Variants in PTH2R observed in about 807,000 individuals in gnomAD.
PTH2R encodes the protein parathyroid hormone 2 receptor.
A neutral mutation model predicts 60.3 loss-of-function variants in PTH2R; 59 were observed. The observed-to-expected ratio is 0.98, with a 90% CI of 0.79 to 1.22. PTH2R has a LOEUF of 1.22. Among genes scored for constraint, PTH2R ranks in the 50% most tolerant of loss-of-function variants. The pLI, the probability that PTH2R is intolerant of heterozygous loss-of-function variation, is 0.00. For missense variants in PTH2R, 749 were observed against 682.6 expected (o/e 1.10, Z -1.08); for synonymous variants, 256 against 243.8 (o/e 1.05, Z -0.47).
At chr2:208,456,104 TGG>T (rs1281905268) in intron 8 of PTH2R, among the ~76,000 whole-genome samples, 3 of 151,690 alleles carry the variant, frequency 2.0e-5, no homozygotes, top group Non-Finnish European at 4.4e-5. Context: ...TAGCTGGGCG[TGG>T]TGGTGCGTGC....
At chr2:208,490,589 G>C (rs780100014) in intron 11 of PTH2R, 50 bp from the exon 12 acceptor site, 22 of 1,581,834 alleles carry the variant, frequency 1.4e-5, no homozygotes, top group Non-Finnish European at 1.9e-5. Flanking sequence ...ATGCTTAAGT[G>C]CTGTGAGTTT....
intron 8 of PTH2R, among the ~76,000 whole-genome samples, chr2:208,451,443 C>G (rs760049886): frequency 6.6e-6 from 1 of 152,094 alleles, no homozygotes; most frequent in African/African-American, 2.4e-5. Context: ...TCCTCAAAAT[C>G]AAAATATTTT....
chr2:208,467,433 G>A (rs540358544), intron 9 of PTH2R, among the ~76,000 whole-genome samples: 1 of 152,240 alleles, frequency 6.6e-6, no homozygotes, highest in African/African-American at 2.4e-5. Flanking sequence ...CACGCAATCT[G>A]CTAAGAGATT....
chr2:208,395,346 G>T (rs1025450878), intron 1 of PTH2R, among the ~76,000 whole-genome samples: 1 of 151,962 alleles, frequency 6.6e-6, no homozygotes, highest in African/African-American at 2.4e-5. Flanking sequence ...ACGCCCGGCC[G>T]AGTCTGATTT....
intron 1 of PTH2R, among the ~76,000 whole-genome samples, chr2:208,407,770 C>A (rs1256350720): frequency 6.6e-6 from 1 of 151,770 alleles, no homozygotes; most frequent in Non-Finnish European, 1.5e-5. Flanking sequence ...TGAGTCAAAT[C>A]AAATGTAGGG....
intron 1 of PTH2R, among the ~76,000 whole-genome samples, chr2:208,393,186 G>GT (rs913174604): frequency 3.3e-5 from 5 of 152,154 alleles, no homozygotes; most frequent in African/African-American, 1.2e-4. Context: ...TTCTCAGGAG[G>GT]TTTTCTAGGG....
At chr2:208,400,469 T>G (rs551004091) in intron 1 of PTH2R, among the ~76,000 whole-genome samples, 61 of 152,306 alleles carry the variant, frequency 4.0e-4, no homozygotes, top group African/African-American at 1.4e-3. Context: ...GCTATTTGAA[T>G]TTCTCATTAG....
intron 7 of PTH2R, among the ~76,000 whole-genome samples, chr2:208,447,955 C>T (rs182015296): frequency 3.9e-4 from 60 of 152,036 alleles, no homozygotes; most frequent in Non-Finnish European, 5.9e-4. Context: ...TTTATTGTTA[C>T]TAAATATGGT....
intron 1 of PTH2R, among the ~76,000 whole-genome samples, chr2:208,366,228 T>C (rs1700589933): frequency 6.6e-6 from 1 of 151,714 alleles, no homozygotes. Flanking sequence ...TTACTAGTTA[T>C]TGGTCTATTT....
At chr2:208,425,691 C>T (rs1328990918) in intron 1 of PTH2R, among the ~76,000 whole-genome samples, 2 of 152,140 alleles carry the variant, frequency 1.3e-5, no homozygotes, top group African/African-American at 4.8e-5. Flanking sequence ...AGGCTAAGCC[C>T]CAGTTGTGGG....
chr2:208,451,592 G>A (rs185580122), intron 8 of PTH2R, among the ~76,000 whole-genome samples: 5 of 152,236 alleles, frequency 3.3e-5, no homozygotes, highest in East Asian at 1.9e-4. Flanking sequence ...TTTAACACAC[G>A]TGTGGTCTAC....
At chr2:208,469,487 A>G (rs1212823599) in intron 9 of PTH2R, among the ~76,000 whole-genome samples, 5 of 152,222 alleles carry the variant, frequency 3.3e-5, no homozygotes, top group African/African-American at 9.6e-5. Context: ...AAGAGAGTAA[A>G]GGAATTTGTT....
At position 208,481,011 on chromosome 2, in the gene PTH2R, T is replaced by A. The variant is rs551453361; in HGVS notation, c.982-59T>A. 4 of 1,250,150 alleles carry A rather than the reference T, an allele frequency of 3.2e-6. No individual in the cohort carries two copies. In the Admixed American group the frequency reaches 8.5e-5, roughly 27 times the overall value. The allele number at this position is 1,250,150 out of a possible 1,614,324, so 77.4% of individuals were successfully genotyped here. On this transcript the variant is annotated intron_variant, in intron 9 of 12. Transcript: ENST00000272847. ...TGGAAAAAATTTCAATTTATGTAAA[T>A]GTTTATAAAAATCTTGAAGACTAAC... is the stretch of plus-strand genomic sequence containing the variant.
Position 208,428,241 on chromosome 2 carries a change from T to C in PTH2R, c.116T>C (p.Val39Ala). ...DGTITIEEQI[V>A]LVLKAKVQCE... ...ACCATTACTATAGAGGAGCAGATTG[T>C]CCTTGTGCTGAAAGCGAAAGTACAA... Residue 39 changes from valine (V) to alanine (A), a missense_variant, in exon 2 of 13, where the codon GTC becomes GCC. By Grantham distance (64) the Val-to-Ala change is moderately conservative. Coordinates refer to ENST00000272847, the MANE Select transcript of PTH2R (RefSeq NM_005048.4). The C allele has an allele frequency of 6.2e-7, 1 of 1,613,796 alleles. No individual in the cohort carries two copies.
chr2:208,376,101 T>C (rs1211226783), intron 1 of PTH2R, among the ~76,000 whole-genome samples: 1 of 152,180 alleles, frequency 6.6e-6, no homozygotes, highest in African/African-American at 2.4e-5. Context: ...TAATAAATGC[T>C]TCACTGCCAT....
chr2:208,456,980 A>G (rs1265548513), intron 8 of PTH2R, among the ~76,000 whole-genome samples: 1 of 152,200 alleles, frequency 6.6e-6, no homozygotes, highest in Non-Finnish European at 1.5e-5. Flanking sequence ...CCTACTTCCA[A>G]ATGCAAGCAT....
chr2:208,415,143 T>G (rs184390663), intron 1 of PTH2R, among the ~76,000 whole-genome samples: 5 of 152,292 alleles, frequency 3.3e-5, no homozygotes, highest in Admixed American at 2.0e-4. Context: ...TCAATATTGA[T>G]TCATTAATTA....
At chr2:208,407,454 G>T (rs1701440236) in intron 1 of PTH2R, among the ~76,000 whole-genome samples, 2 of 152,188 alleles carry the variant, frequency 1.3e-5, no homozygotes, top group Admixed American at 1.3e-4. Context: ...CTTAAACTCC[G>T]TGGTCCCCAT....
At chr2:208,368,929 T>A (rs923828541) in intron 1 of PTH2R, among the ~76,000 whole-genome samples, 8 of 152,202 alleles carry the variant, frequency 5.3e-5, no homozygotes, top group Non-Finnish European at 8.8e-5. Flanking sequence ...ATTCTGTGAT[T>A]TGGCTTCACA....
Sources: allele counts gnomAD v4.1 joint callset (sites outside exome capture counted in the v4.1 genomes callset), GRCh38; gene constraint gnomAD v4.1.1; transcripts MANE v1.5; gene names NCBI Gene and HGNC (gene_info 2026-07-23, HGNC 2026-07-21).